Variants in HTD2 observed in about 807,000 individuals in gnomAD.
HTD2 encodes the protein hydroxyacyl-thioester dehydratase type 2, also known as hydroxyacyl-thioester dehydratase type 2, mitochondrial.
In HTD2, 1 loss-of-function variant was observed where a neutral mutation model predicts 3.1. That is an observed-to-expected ratio of 0.32 (90% confidence interval 0.11 to 1.52). The LOEUF is 1.52. Ranked by LOEUF, HTD2 falls within the 40% of genes most tolerant of loss-of-function variation. The pLI is 0.39. For synonymous variants in HTD2, 50 were observed against 28.9 expected (o/e 1.73, Z -2.34); for missense variants, 150 against 79.6 (o/e 1.88, Z -3.36).
intron 2 of HTD2, among the ~76,000 whole-genome samples, chr3:58,312,853 T>A (rs1312378693): frequency 1.3e-5 from 2 of 150,080 alleles, no homozygotes; most frequent in African/African-American, 4.9e-5. Context: ...CCCAGCTACT[T>A]GGAAGACTGA....
rs1183698948 is a variant in HTD2 at position 58,318,174 on chromosome 3, T to C, written c.*54T>C. ...ACACCAATGCTGTTGTTAAAGAGCC[T>C]ATGGGGAATTGCTGCTCTTTACCAA... On this transcript the variant is annotated 3_prime_UTR_variant, in exon 5 of 5. Transcript: ENST00000461393. The C allele has an allele frequency of 1.6e-6, 1 of 606,556 alleles. No homozygotes were observed. Among genetic ancestry groups the C allele is most frequent in the East Asian group, 2.7e-5 (1 of 36,538 alleles). 37.6% of individuals were successfully genotyped at this position (606,556 alleles called of 1,614,324 possible).
rs911023800 is a variant in HTD2, at chr3:58,319,460, T to A, written c.*1340T>A. ...TTCCCCTGCAACTGAGGTGAGAGGT[T>A]TTCCTGAGTTTGAAGCTGACTGGCC... On this transcript the variant is annotated 3_prime_UTR_variant, in exon 5 of 5. Coordinates refer to ENST00000461393, the MANE Select transcript of HTD2 (RefSeq NM_001348712.2). The A allele has an allele frequency of 6.6e-6, 1 of 152,150 alleles. No homozygotes were observed. The highest frequency in any genetic ancestry group is 1.5e-5 in the Non-Finnish European group (1 of 68,034). The allele number at this position is 152,150 out of a possible 1,614,324, so 9.4% of individuals were successfully genotyped here.
At position 58,318,326 on chromosome 3, in the gene HTD2, T is replaced by A; in HGVS notation, c.*206T>A. ...AGACTTGAGTGTATGCAGGATTTCA[T>A]TATCTGCCTGGGTTTTTTGTTTGTT... On this transcript the variant is annotated 3_prime_UTR_variant, in exon 5 of 5. Coordinates refer to ENST00000461393, the MANE Select transcript of HTD2 (RefSeq NM_001348712.2). 2 of 444,250 alleles carry A rather than the reference T, an allele frequency of 4.5e-6. No individual in the cohort carries two copies. The highest frequency in any genetic ancestry group is 7.9e-6 in the Non-Finnish European group (2 of 253,066). The allele number at this position is 444,250 out of a possible 1,614,324, so 27.5% of individuals were successfully genotyped here.
chr3:58,308,350 C>T (rs1430334781), intron 1 of HTD2, among the ~76,000 whole-genome samples: 1 of 152,182 alleles, frequency 6.6e-6, no homozygotes, highest in Admixed American at 6.6e-5. Context: ...GTGGTACAAT[C>T]ACAGTGCACT....
At chr3:58,315,391 G>T (rs1434164742) in intron 2 of HTD2, among the ~76,000 whole-genome samples, 1 of 151,994 alleles carries the variant, frequency 6.6e-6, no homozygotes, top group Non-Finnish European at 1.5e-5. Flanking sequence ...GGGGAGGAGG[G>T]GTGGGTGTGG....
chr3:58,310,438 T>A, intron 1 of HTD2, 69 bp from the exon 2 acceptor site: 1 of 1,610,558 alleles, frequency 6.2e-7, no homozygotes, highest in Non-Finnish European at 8.5e-7. Context: ...CTATTTTAGA[T>A]TACTTTTCTA....
intron 1 of HTD2, among the ~76,000 whole-genome samples, chr3:58,306,915 G>T (rs2097475777): frequency 6.6e-6 from 1 of 152,208 alleles, no homozygotes; most frequent in South Asian, 2.1e-4. Flanking sequence ...AAAGGCAAAT[G>T]CTACGAAGAA....
At chr3:58,314,675 A>ATTTTTTTTTTTTTTTTTTTT (rs751757663) in intron 2 of HTD2, among the ~76,000 whole-genome samples, 22 of 90,566 alleles carry the variant, frequency 2.4e-4, no homozygotes, top group African/African-American at 1.8e-4. Context: ...GTTTGGCAGT[A>ATTTTTTTTTTTTTTTTTTTT]TTTTTTTTTT....
chr3:58,317,038 G>A (rs1042432938), intron 4 of HTD2, 45 bp downstream of exon 4: 1 of 1,350,436 alleles, frequency 7.4e-7, no homozygotes, highest in Non-Finnish European at 1.1e-6. Context: ...CTGAGTGATG[G>A]GTCAACTGCT....
At position 58,310,909 on chromosome 3, in the gene HTD2, A is replaced by G. The variant is rs1575544039; in HGVS notation, c.-331+318A>G. ...AACGCCACTGCACTCCAGCCTGGCA[A>G]CAGAGCGAGACTCTGTCACAAAAAA... On this transcript the variant is annotated intron_variant, in intron 2 of 4. Coordinates refer to ENST00000461393, the MANE Select transcript of HTD2 (RefSeq NM_001348712.2). Among the ~76,000 whole-genome samples, 5 of 150,056 alleles carry G rather than the reference A, an allele frequency of 3.3e-5. 1 individual carries two copies. The South Asian group carries it at 8.6e-4, about 26-fold the overall frequency.
chr3:58,316,096 T>G (rs191975001), intron 2 of HTD2, among the ~76,000 whole-genome samples: 2 of 152,348 alleles, frequency 1.3e-5, no homozygotes, highest in East Asian at 3.9e-4. Context: ...TTCCTGGGGT[T>G]TATATAGCTG....
intron 1 of HTD2, among the ~76,000 whole-genome samples, chr3:58,307,446 G>A (rs2097476671): frequency 6.6e-6 from 1 of 152,214 alleles, no homozygotes; most frequent in African/African-American, 2.4e-5. Context: ...ACTCTAGGCC[G>A]GGCGCGGTGG....
intron 4 of HTD2, 35 bp downstream of exon 4, chr3:58,317,028 CTGAG>C (rs769975890): frequency 1.4e-6 from 2 of 1,460,374 alleles, no homozygotes; most frequent in Non-Finnish European, 9.6e-7. Flanking sequence ...CCAAACAAGA[CTGAG>C]TGATGGGTCA....
chr3:58,310,628 T>G, intron 2 of HTD2, 37 bp downstream of exon 2: 2 of 1,554,802 alleles, frequency 1.3e-6, no homozygotes, highest in Non-Finnish European at 8.7e-7. Context: ...ATTCCAAAGA[T>G]CTTTGTAAGA....
chr3:58,310,398 A>G, intron 1 of HTD2, 109 bp from the exon 2 acceptor site: 1 of 1,614,014 alleles, frequency 6.2e-7, no homozygotes, highest in Non-Finnish European at 8.5e-7. Context: ...ACTACATGAA[A>G]GTCTGCCTGT....
At position 58,312,167 on chromosome 3, in the gene HTD2, T is replaced by C. The variant is rs114138692; in HGVS notation, c.-331+1576T>C. Among the ~76,000 whole-genome samples the C allele has an allele frequency of 9.4e-3, 1,439 of 152,342 alleles. 30 individuals carry two copies. Among genetic ancestry groups the C allele is most frequent in the African/African-American group, 0.032 (1,340 of 41,578 alleles). ...CTGCACCTGACCTATTTTTAGTTTTTTGGGAAACCTCCATACTGCTCTCCA... is the reference window on the plus strand; with the variant it reads ...CTGCACCTGACCTATTTTTAGTTTTCTGGGAAACCTCCATACTGCTCTCCA... On this transcript the variant is annotated intron_variant, in intron 2 of 4. Coordinates refer to ENST00000461393, the MANE Select transcript of HTD2 (RefSeq NM_001348712.2).
In HTD2 at chr3:58,317,756, T is replaced by G. The variant is rs2097489865; in HGVS notation, c.143T>G (p.Phe48Cys). The change falls in exon 5 of 5, where the codon TTC becomes TGC. Residue 48 changes from phenylalanine (F) to cysteine (C), a missense_variant. By Grantham distance (205) the Phe-to-Cys change is radical. Coordinates refer to ENST00000461393, the MANE Select transcript of HTD2 (RefSeq NM_001348712.2). ...VGDRAELRRA[F>C]TQTDVATFSE... ...GACCGCGCTGAACTTAGGAGGGCCT[T>G]CACACAGACTGATGTGGCTACCTTC... 1.4e-6 allele frequency: 1 copy of G among 703,186 alleles called. No homozygotes were observed. The highest frequency in any genetic ancestry group is 2.6e-6 in the Non-Finnish European group (1 of 385,002). 43.6% of individuals were successfully genotyped at this position (703,186 alleles called of 1,614,324 possible).
chr3:58,312,334 A>ACCCCCC lies in HTD2; in HGVS notation c.-331+1747_-331+1752dup, dbSNP rs76719108. Among the ~76,000 whole-genome samples the ACCCCCC allele has an allele frequency of 3.0e-4, 21 of 69,702 alleles. No individual in the cohort carries two copies. In the East Asian group the frequency reaches 4.3e-3, roughly 14 times the overall value. 45.7% of individuals were successfully genotyped at this position (69,702 alleles called of 152,430 possible). The stretch of plus-strand genomic sequence containing the variant: ...TGGAGTGCAGTGGCACAACCTCCGC[A>ACCCCCC]CCCCCCCCCGCCCCTCCCGGATTCA... On this transcript the variant is annotated intron_variant, in intron 2 of 4. Coordinates refer to ENST00000461393, the MANE Select transcript of HTD2 (RefSeq NM_001348712.2).
At chr3:58,307,521 T>C (rs962120629) in intron 1 of HTD2, among the ~76,000 whole-genome samples, 1 of 152,144 alleles carries the variant, frequency 6.6e-6, no homozygotes, top group African/African-American at 2.4e-5. Flanking sequence ...CGCCAGGAGT[T>C]CGAGACCAGC....
Sources: gnomAD v4.1 joint callset for allele counts (sites outside exome capture counted in the v4.1 genomes callset) on GRCh38, gnomAD v4.1.1 for gene constraint, MANE v1.5 for transcripts, NCBI Gene and HGNC (gene_info 2026-07-23, HGNC 2026-07-21) for gene names.